NME1: variants seen among roughly 807,000 people sequenced by gnomAD.
NME1 encodes nucleoside diphosphate kinase A.
NME1 carries 9 observed loss-of-function variants against 17.2 expected under a neutral mutation model. The ratio of observed to expected loss-of-function variants is 0.52; its 90% CI spans 0.32 to 0.92. The LOEUF is 0.92. NME1 is among the 40% of genes least tolerant of loss of function. NME1 has a pLI of 0.04. For synonymous variants in NME1, 72 were observed against 70.8 expected (o/e 1.02, Z -0.09); for missense variants, 169 against 201.7 (o/e 0.84, Z 0.98).
At position 51,161,970 on chromosome 17, in the gene NME1, G is replaced by C. The variant is rs904968908; in HGVS notation, c.*125G>C. 8 of 732,318 alleles carry C rather than the reference G, an allele frequency of 1.1e-5. No individual in the cohort carries two copies. The highest frequency in any genetic ancestry group is 2.0e-5 in the Non-Finnish European group (8 of 407,478). The allele number at this position is 732,318 out of a possible 1,614,324, so 45.4% of individuals were successfully genotyped here. A position where few individuals can be genotyped will look rare whatever the true frequency, so the allele number is the denominator to read the frequency against. ...CATAATTTGGAGGGAAGCTCTTGGAGCTGTGAGTTCTCCCTGTACAGTGTT... is the reference window on the plus strand; with the variant it reads ...CATAATTTGGAGGGAAGCTCTTGGACCTGTGAGTTCTCCCTGTACAGTGTT... On this transcript the variant is annotated 3_prime_UTR_variant, in exon 5 of 5. Transcript: ENST00000393196.
Position 51,160,063 on chromosome 17 carries a change from A to G in NME1, c.210A>G (p.Ser70=). Residue 70 remains serine (S), a synonymous_variant, in exon 3 of 5, where the codon TCA becomes TCG. Coordinates refer to ENST00000393196, the MANE Select transcript of NME1 (RefSeq NM_000269.3). The part of the protein sequence containing the change: ...FFAGLVKYMH[S]GPVVAMVWEG... Reference sequence around the variant, plus strand: ...CCGGCCTGGTGAAATACATGCACTCAGGGCCGGTAGTTGCCATGGTGAGTG... The same window carrying G: ...CCGGCCTGGTGAAATACATGCACTCGGGGCCGGTAGTTGCCATGGTGAGTG... 1 of 1,614,174 alleles carries G rather than the reference A, an allele frequency of 6.2e-7. No homozygotes were observed. The highest frequency in any genetic ancestry group is 8.5e-7 in the Non-Finnish European group (1 of 1,180,020).
At chr17:51,160,140 C>G (rs1023033302) in intron 3 of NME1, 59 bp downstream of exon 3, 5 of 1,576,778 alleles carry the variant, frequency 3.2e-6, no homozygotes, top group African/African-American at 1.3e-5. Flanking sequence ...GTGCTAGGCT[C>G]TCTTCTAGAC....
chr17:51,154,807 C>A (rs558884576), intron 1 of NME1, among the ~76,000 whole-genome samples: 1 of 152,202 alleles, frequency 6.6e-6, no homozygotes, highest in Admixed American at 6.5e-5. Context: ...ACATCACTTT[C>A]ACATTAGTAA....
chr17:51,161,654 C>A, intron 4 of NME1, 74 bp from the exon 5 acceptor site: 1 of 1,059,956 alleles, frequency 9.4e-7, no homozygotes, highest in Non-Finnish European at 1.5e-6. Flanking sequence ...GCTGCTGTGG[C>A]TGTAGATTTC....
rs2049871862 is a variant in NME1, at chr17:51,162,049, G to A, written c.*204G>A. On this transcript the variant is annotated 3_prime_UTR_variant, in exon 5 of 5. Coordinates refer to ENST00000393196, the MANE Select transcript of NME1 (RefSeq NM_000269.3). ...TTCCTCCCAGCATAGGATTCATTGA[G>A]TTGGTTACTTCATATTGTTGCATTG... The A allele has an allele frequency of 1.8e-6, 1 of 554,422 alleles. No homozygotes were observed. Among genetic ancestry groups the A allele is most frequent in the Non-Finnish European group, 3.2e-6 (1 of 308,422 alleles). 34.3% of individuals were successfully genotyped at this position (554,422 alleles called of 1,614,324 possible). A position where few individuals can be genotyped will look rare whatever the true frequency, so the allele number is the denominator to read the frequency against.
Position 51,161,710 on chromosome 17 carries a change from A to G in NME1, c.342-18A>G, listed in dbSNP as rs1021270537. ...TCCTTCTGGTCTTGGTCATGTGACT[A>G]TCTCTTTCTCCACCCAGGAACATTA... On this transcript the variant is annotated intron_variant, in intron 4 of 4. Transcript: ENST00000393196. 11 of 1,574,838 alleles carry G rather than the reference A, an allele frequency of 7.0e-6. No individual in the cohort carries two copies. In the African/African-American group the frequency reaches 1.2e-4, roughly 17 times the overall value.
At chr17:51,159,134 G>A (rs1203899251) in intron 2 of NME1, among the ~76,000 whole-genome samples, 2 of 152,148 alleles carry the variant, frequency 1.3e-5, no homozygotes, top group Non-Finnish European at 2.9e-5. Flanking sequence ...GAAATTTATT[G>A]TATTGTTGAT....
At position 51,161,758 on chromosome 17, in the gene NME1, G is replaced by A. The variant is rs774927730; in HGVS notation, c.372G>A (p.Glu124=). ...RNIIHGSDSV[E]SAEKEIGLWF... is the part of the protein sequence containing the mutation. Reference sequence around the variant, plus strand: ...TTATACATGGCAGTGATTCTGTGGAGAGTGCAGAGAAGGAGATCGGCTTGT... The same window carrying A: ...TTATACATGGCAGTGATTCTGTGGAAAGTGCAGAGAAGGAGATCGGCTTGT... Residue 124 remains glutamate (E), a synonymous_variant, in exon 5 of 5, where the codon GAG becomes GAA. Transcript: ENST00000393196. The A allele has an allele frequency of 1.2e-6, 2 of 1,613,962 alleles. No individual in the cohort carries two copies. The highest frequency in any genetic ancestry group is 2.2e-5 in the South Asian group (2 of 91,078).
chr17:51,159,725 G>A (rs868688420), intron 2 of NME1, among the ~76,000 whole-genome samples: 2 of 152,154 alleles, frequency 1.3e-5, no homozygotes, highest in Middle Eastern at 3.4e-3. Context: ...AAATGAGATA[G>A]CTGGATTTAA....
intron 2 of NME1, among the ~76,000 whole-genome samples, chr17:51,159,004 C>T (rs911992084): frequency 6.6e-6 from 1 of 152,150 alleles, no homozygotes; most frequent in African/African-American, 2.4e-5. Context: ...GGCTTTTATC[C>T]TCTGAATAAA....
Position 51,154,588 on chromosome 17 carries a change from A to G in NME1, c.-5+926A>G, listed in dbSNP as rs535933683. 303 of 704,474 alleles carry G rather than the reference A, an allele frequency of 4.3e-4. 1 individual carries two copies. The highest frequency in any genetic ancestry group is 1.7e-3 in the Middle Eastern group (6 of 3,524). 43.6% of individuals were successfully genotyped at this position (704,474 alleles called of 1,614,324 possible). A position where few individuals can be genotyped will look rare whatever the true frequency, so the allele number is the denominator to read the frequency against. ...CACCCCACCGTTTATTGGCTAGTCA[A>G]AATATTCTTTGCATTGTAAAGTGTA... On this transcript the variant is annotated intron_variant, in intron 1 of 4. Transcript: ENST00000393196.
chr17:51,154,012 CT>C, intron 1 of NME1: 1 of 303,650 alleles, frequency 3.3e-6, no homozygotes, highest in South Asian at 3.2e-5. Flanking sequence ...GCACTGAGTG[CT>C]TACTGTTGTG....
At chr17:51,155,508 G>T in intron 1 of NME1, 143 bp from the exon 2 acceptor site, 1 of 1,127,084 alleles carries the variant, frequency 8.9e-7, no homozygotes, top group Non-Finnish European at 1.3e-6. Context: ...GGGGACTGGG[G>T]AGGAATTGGG....
intron 1 of NME1, chr17:51,154,203 C>G (rs1044021028): frequency 1.0e-5 from 5 of 494,040 alleles, no homozygotes; most frequent in Non-Finnish European, 1.1e-5. Context: ...AAATGATTTT[C>G]TTTGCTCCTA....
rs548656010 is a variant in NME1, at chr17:51,161,540, G to A, written c.342-188G>A. ...TCTCACTGTTTGCACCAGCGTGGCCGGGAGGGCTGGATGTGGGGAGGGCAT... is the reference window on the plus strand; with the variant it reads ...TCTCACTGTTTGCACCAGCGTGGCCAGGAGGGCTGGATGTGGGGAGGGCAT... On this transcript the variant is annotated intron_variant, in intron 4 of 4. Coordinates refer to ENST00000393196, the MANE Select transcript of NME1 (RefSeq NM_000269.3). The A allele has an allele frequency of 2.8e-4, 187 of 678,918 alleles. No individual in the cohort carries two copies. In the African/African-American group the frequency reaches 2.8e-3, roughly 10 times the overall value. The allele number at this position is 678,918 out of a possible 1,614,324, so 42.1% of individuals were successfully genotyped here. A position where few individuals can be genotyped will look rare whatever the true frequency, so the allele number is the denominator to read the frequency against.
At chr17:51,160,610 C>CTTT (rs1161137953) in intron 3 of NME1, 64 of 183,286 alleles carry the variant, frequency 3.5e-4, no homozygotes, top group South Asian at 8.6e-4. Flanking sequence ...CTTGGCATTT[C>CTTT]TTTTTTTTTT....
rs2049842660 is a variant in NME1 at position 51,160,043 on chromosome 17, C to G, written c.190C>G (p.Leu64Val). Residue 64 changes from leucine (L) to valine (V), a missense_variant, in exon 3 of 5, where the codon CTG (leucine) becomes GTG (valine). By Grantham distance (32) the Leu-to-Val change is conservative (BLOSUM62 1). Coordinates refer to ENST00000393196, the MANE Select transcript of NME1 (RefSeq NM_000269.3). ...DLKDRPFFAG[L>V]VKYMHSGPVV... ...GAAGGACCGTCCATTCTTTGCCGGC[C>G]TGGTGAAATACATGCACTCAGGGCC... 6.2e-7 allele frequency: 1 copy of G among 1,614,028 alleles called. No individual in the cohort carries two copies. The highest frequency in any genetic ancestry group is 1.3e-5 in the African/African-American group (1 of 74,918).
intron 1 of NME1, chr17:51,154,501 T>C (rs2049756374): frequency 3.0e-5 from 43 of 1,448,374 alleles, no homozygotes; most frequent in Non-Finnish European, 4.2e-5. Flanking sequence ...ATAGTTACTC[T>C]CTAGGCTTCC....
chr17:51,161,339 C>T (rs1187420459), intron 4 of NME1, 67 bp downstream of exon 4: 23 of 1,442,256 alleles, frequency 1.6e-5, no homozygotes, highest in African/African-American at 5.6e-5. Context: ...TTTGGGTTTC[C>T]GAGGCTGGAG....
Sources: allele counts gnomAD v4.1 joint callset (sites outside exome capture counted in the v4.1 genomes callset), GRCh38; gene constraint gnomAD v4.1.1; transcripts MANE v1.5; gene names NCBI Gene and HGNC (gene_info 2026-07-23, HGNC 2026-07-21).